Variants in ASIC2 observed in about 807,000 individuals in gnomAD.
The protein encoded by ASIC2 is acid-sensing ion channel 2.
ASIC2 carries 25 observed loss-of-function variants against 57.3 expected under a neutral mutation model. The ratio of observed to expected loss-of-function variants is 0.44; its 90% CI spans 0.32 to 0.61. ASIC2 has a LOEUF of 0.61. Among genes scored for constraint, ASIC2 ranks in the 20% least tolerant of loss-of-function variants. The pLI is 0.06. For missense variants in ASIC2, 641 were observed against 738.1 expected (o/e 0.87, Z 1.52); for synonymous variants, 319 against 307.5 (o/e 1.04, Z -0.39).
chr17:33,272,987 C>G (rs989459971), intron 1 of ASIC2, among the ~76,000 whole-genome samples: 4 of 152,148 alleles, frequency 2.6e-5, no homozygotes, highest in African/African-American at 9.7e-5. Flanking sequence ...CACCTGGAGA[C>G]AGGTGATGCA....
intron 7 of ASIC2, among the ~76,000 whole-genome samples, chr17:33,019,073 T>C (rs996031629): frequency 6.6e-6 from 1 of 152,136 alleles, no homozygotes; most frequent in African/African-American, 2.4e-5. Context: ...CTCCCTCTCA[T>C]GTCTTTAATG....
intron 1 of ASIC2, among the ~76,000 whole-genome samples, chr17:33,958,742 C>T (rs1904824630): frequency 6.6e-6 from 1 of 152,116 alleles, no homozygotes; most frequent in Admixed American, 6.6e-5. Context: ...AGACATTTTC[C>T]CTGTTGTCTT....
intron 1 of ASIC2, among the ~76,000 whole-genome samples, chr17:33,773,731 T>A (rs1299744359): frequency 1.3e-5 from 2 of 150,930 alleles, no homozygotes; most frequent in Non-Finnish European, 1.5e-5. Context: ...CATGACTCAC[T>A]GCAGCCTCCA....
intron 3 of ASIC2, among the ~76,000 whole-genome samples, chr17:33,082,461 G>A (rs1229272295): frequency 6.6e-6 from 1 of 152,200 alleles, no homozygotes; most frequent in African/African-American, 2.4e-5. Context: ...CACTTTGGAA[G>A]GCAGAGGTGG....
intron 1 of ASIC2, among the ~76,000 whole-genome samples, chr17:33,714,966 T>C (rs1429982741): frequency 7.0e-6 from 1 of 142,238 alleles, no homozygotes; most frequent in East Asian, 2.0e-4. Context: ...TACAGGCTCA[T>C]GCCACCATGC....
chr17:33,894,806 T>C lies in ASIC2; in HGVS notation c.555+261172A>G, dbSNP rs114095741. On this transcript the variant is annotated intron_variant, in intron 1 of 9. Transcript: ENST00000359872. ...CAGGACATTGACTCTTGCTGTGCCT[T>C]GGTCTCCCCAGCAGTCTACAAAGGA... Among the ~76,000 whole-genome samples, 515 of 152,300 alleles carry C rather than the reference T, an allele frequency of 3.4e-3. 7 individuals are homozygous for C. Among genetic ancestry groups the C allele is most frequent in the African/African-American group, 0.012 (494 of 41,556 alleles).
chr17:33,365,291 C>T (rs182193632), intron 1 of ASIC2, among the ~76,000 whole-genome samples: 120 of 152,334 alleles, frequency 7.9e-4, no homozygotes, highest in Non-Finnish European at 1.3e-3. Context: ...GTACTTATCC[C>T]TGTTAAAGCT....
At chr17:33,046,311 T>C (rs943154109) in intron 3 of ASIC2, among the ~76,000 whole-genome samples, 2 of 152,178 alleles carry the variant, frequency 1.3e-5, no homozygotes, top group Non-Finnish European at 2.9e-5. Context: ...CTTTTTTCAA[T>C]GGGTGTATTT....
chr17:33,684,027 A>C (rs531236533), intron 1 of ASIC2, among the ~76,000 whole-genome samples: 1 of 152,336 alleles, frequency 6.6e-6, no homozygotes, highest in Admixed American at 6.5e-5. Context: ...AATCATTAGA[A>C]TATCCATACA....
intron 1 of ASIC2, among the ~76,000 whole-genome samples, chr17:33,981,651 G>A (rs1161936583): frequency 6.6e-6 from 1 of 151,584 alleles, no homozygotes; most frequent in Non-Finnish European, 1.5e-5. Flanking sequence ...AGGGTGGAAA[G>A]GGGGAAAGAG....
intron 1 of ASIC2, among the ~76,000 whole-genome samples, chr17:33,369,033 T>C (rs190378076): frequency 4.6e-5 from 7 of 152,288 alleles, no homozygotes; most frequent in African/African-American, 1.4e-4. Context: ...GGAGTGAACA[T>C]GATAAAGGCC....
intron 1 of ASIC2, among the ~76,000 whole-genome samples, chr17:33,801,066 A>T (rs1368585985): frequency 6.6e-6 from 1 of 152,190 alleles, no homozygotes; most frequent in East Asian, 1.9e-4. Flanking sequence ...TTTGCAATAC[A>T]CTAGAAGTGG....
intron 3 of ASIC2, among the ~76,000 whole-genome samples, chr17:33,072,059 C>T (rs1464295360): frequency 6.6e-6 from 1 of 152,022 alleles, no homozygotes; most frequent in Non-Finnish European, 1.5e-5. Flanking sequence ...TCTGTGAAGT[C>T]CTCTCCTCTC....
chr17:33,521,372 T>C (rs1464254607), intron 1 of ASIC2, among the ~76,000 whole-genome samples: 1 of 152,194 alleles, frequency 6.6e-6, no homozygotes, highest in Non-Finnish European at 1.5e-5. Context: ...GGGCCAGCCT[T>C]GCTGACAGTT....
chr17:34,086,514 T>G (rs1317030319), intron 1 of ASIC2, among the ~76,000 whole-genome samples: 1 of 152,076 alleles, frequency 6.6e-6, no homozygotes, highest in Non-Finnish European at 1.5e-5. Flanking sequence ...ATGTATATTC[T>G]GTTGATTTGG....
chr17:33,319,229 C>CA, intron 1 of ASIC2, among the ~76,000 whole-genome samples: 1 of 146,050 alleles, frequency 6.8e-6, no homozygotes, highest in South Asian at 2.1e-4. Context: ...GACTCCGTCT[C>CA]AAAAAAATAA....
intron 1 of ASIC2, among the ~76,000 whole-genome samples, chr17:33,196,971 T>C (rs1906656339): frequency 6.6e-6 from 1 of 152,142 alleles, no homozygotes; most frequent in Non-Finnish European, 1.5e-5. Flanking sequence ...AATAGAAAGC[T>C]GGTACATGGG....
At chr17:33,584,079 A>G (rs1172070194) in intron 1 of ASIC2, among the ~76,000 whole-genome samples, 1 of 151,994 alleles carries the variant, frequency 6.6e-6, no homozygotes. Context: ...TTTTCATAAA[A>G]CCGATTTATT....
At chr17:33,416,523 T>G (rs1389644933) in intron 1 of ASIC2, among the ~76,000 whole-genome samples, 5 of 152,032 alleles carry the variant, frequency 3.3e-5, no homozygotes, top group Non-Finnish European at 7.4e-5. Flanking sequence ...ATAGGAGTGG[T>G]GGGGGTAAAG....
Sources: allele counts gnomAD v4.1 joint callset (sites outside exome capture counted in the v4.1 genomes callset), GRCh38; gene constraint gnomAD v4.1.1; transcripts MANE v1.5; gene names NCBI Gene and HGNC (gene_info 2026-07-23, HGNC 2026-07-21).